The following PPP1R17 variants were observed in gnomAD, a reference collection of about 807,000 sequenced individuals.
The protein encoded by PPP1R17 is G-substrate.
Under a neutral mutation model 15.9 loss-of-function variants are expected in PPP1R17, and 12 were observed. That is an observed-to-expected ratio of 0.75 (90% confidence interval 0.48 to 1.22). The LOEUF is 1.22. Ranked by LOEUF, PPP1R17 falls within the 50% of genes most tolerant of loss-of-function variation. PPP1R17 has a pLI of 0.00. For missense variants in PPP1R17, 211 were observed against 187.3 expected, an observed-to-expected ratio of 1.13 and a Z score of -0.74; for synonymous variants, 63 against 64.5, an observed-to-expected ratio of 0.98 and a Z score of 0.11.
At position 31,690,503 on chromosome 7, in the gene PPP1R17, G is replaced by A. The variant is rs567456407; in HGVS notation, c.-36-1903G>A. Among the ~76,000 whole-genome samples, 37 of 152,234 alleles carry A rather than the reference G, an allele frequency of 2.4e-4. 1 individual carries two copies. The South Asian group carries it at 7.1e-3, about 29-fold the overall frequency. ...CAGACTTAACTTGTGTGGAGAGGGG[G>A]CAAAAATGATTCTATTACATTGGGC... On this transcript the variant is annotated intron_variant, in intron 1 of 4. Transcript: ENST00000342032.
Position 31,697,075 on chromosome 7 carries a change from A to G in PPP1R17, c.346A>G (p.Arg116Gly). 6.2e-7 allele frequency: 1 copy of G among 1,614,168 alleles called. No homozygotes were observed. Among genetic ancestry groups the G allele is most frequent in the African/African-American group, 1.3e-5 (1 of 75,062 alleles). The stretch of plus-strand genomic sequence containing the variant: ...TGACCTGGAACAGAAAAAGCCAAGG[A>G]GAAAAGACACACCTGCCCTGCACAT... ...NTDLEQKKPR[R>G]KDTPALHMSP... is the part of the protein sequence containing the mutation. Residue 116 changes from arginine (R) to glycine (G), a missense_variant, in exon 4 of 5, where the codon AGA (arginine) becomes GGA (glycine). Transcript: ENST00000342032.
At chr7:31,692,374 A>G in intron 1 of PPP1R17, 32 bp from the exon 2 acceptor site, 2 of 1,266,358 alleles carry the variant, frequency 1.6e-6, no homozygotes, top group East Asian at 4.6e-5. Context: ...AAACAGAGCC[A>G]TACTTATTAA....
chr7:31,702,115 ATTAGT>A (rs1792873045), intron 4 of PPP1R17, among the ~76,000 whole-genome samples: 1 of 152,018 alleles, frequency 6.6e-6, no homozygotes, highest in African/African-American at 2.4e-5. Context: ...TATTAGTCTT[ATTAGT>A]TTAGTCATTC....
rs34184 is a variant in PPP1R17 at position 31,707,331 on chromosome 7, G to C, written c.*48G>C. 4.8e-4 allele frequency: 719 copies of C among 1,503,030 alleles called. 6 individuals carry two copies. The African/African-American group carries it at 5.6e-3, about 12-fold the overall frequency. The allele number at this position is 1,503,030 out of a possible 1,614,324, so 93.1% of individuals were successfully genotyped here. ...TGTAAATAGGTTAGATTGGTTCCCTGTGGTGACCTAGAGAAAAAATAGACT... is the reference window on the plus strand; with the variant it reads ...TGTAAATAGGTTAGATTGGTTCCCTCTGGTGACCTAGAGAAAAAATAGACT... On this transcript the variant is annotated 3_prime_UTR_variant, in exon 5 of 5. Transcript: ENST00000342032.
intron 4 of PPP1R17, among the ~76,000 whole-genome samples, chr7:31,703,741 A>T (rs1352247552): frequency 6.6e-6 from 1 of 152,198 alleles, no homozygotes; most frequent in Non-Finnish European, 1.5e-5. Context: ...CACTCTGGAG[A>T]CATCTCTCAT....
chr7:31,697,253 C>T, intron 4 of PPP1R17, 136 bp downstream of exon 4: 2 of 1,078,270 alleles, frequency 1.9e-6, no homozygotes, highest in South Asian at 3.4e-5. Context: ...TGGGGAGAAG[C>T]CACACTCAGT....
chr7:31,702,500 T>C (rs1792893568), intron 4 of PPP1R17, among the ~76,000 whole-genome samples: 1 of 152,178 alleles, frequency 6.6e-6, no homozygotes, highest in Admixed American at 6.5e-5. Flanking sequence ...TACCTTTCAG[T>C]AGTCAGCCAG....
chr7:31,707,224 G>A lies in PPP1R17; in HGVS notation c.409G>A (p.Glu137Lys), dbSNP rs375427208. The A allele has an allele frequency of 1.1e-4, 174 of 1,613,982 alleles. No homozygotes were observed. The highest frequency in any genetic ancestry group is 1.3e-4 in the African/African-American group (10 of 75,048). The change falls in exon 5 of 5, where the codon GAG becomes AAG. Residue 137 changes from glutamate to lysine, a missense_variant. Coordinates refer to ENST00000342032, the MANE Select transcript of PPP1R17 (RefSeq NM_006658.5). ...TGCAGGTGTGACATTGCTCAGGGAC[G>A]AGAGACCCAAAGCAATCGTGGAAGA... ...FAAGVTLLRD[E>K]RPKAIVEDDE...
chr7:31,696,899 C>A, intron 3 of PPP1R17, 66 bp from the exon 4 acceptor site: 1 of 1,526,486 alleles, frequency 6.6e-7, no homozygotes, highest in Non-Finnish European at 8.9e-7. Flanking sequence ...TAAATATGCA[C>A]AGTCCTCATA....
rs75434181 is a variant in PPP1R17 at position 31,692,585 on chromosome 7, T to C, written c.82+62T>C. 8,745 of 1,499,516 alleles carry C rather than the reference T, an allele frequency of 5.8e-3. 416 individuals are homozygous for C. In the African/African-American group the frequency reaches 0.1, roughly 18 times the overall value. The allele number at this position is 1,499,516 out of a possible 1,614,324, so 92.9% of individuals were successfully genotyped here. A position where few individuals can be genotyped will look rare whatever the true frequency, so the allele number is the denominator to read the frequency against. On this transcript the variant is annotated intron_variant, in intron 2 of 4. Coordinates refer to ENST00000342032, the MANE Select transcript of PPP1R17 (RefSeq NM_006658.5). Reference sequence around the variant, plus strand: ...AGTCAGAGAAGAGGCGTCTCAGCCATTTGGTTTGCAGGCAAGTCAGAGAGA... The same window carrying C: ...AGTCAGAGAAGAGGCGTCTCAGCCACTTGGTTTGCAGGCAAGTCAGAGAGA...
chr7:31,691,577 C>A (rs368790909), intron 1 of PPP1R17, among the ~76,000 whole-genome samples: 1 of 151,858 alleles, frequency 6.6e-6, no homozygotes, highest in Non-Finnish European at 1.5e-5. Context: ...TGCTCCTGGG[C>A]GACAGCTATA....
chr7:31,698,383 T>G (rs992895988), intron 4 of PPP1R17, among the ~76,000 whole-genome samples: 9 of 152,186 alleles, frequency 5.9e-5, no homozygotes, highest in Non-Finnish European at 1.2e-4. Flanking sequence ...TACCTCTATC[T>G]ATCCCTTCGT....
intron 1 of PPP1R17, among the ~76,000 whole-genome samples, chr7:31,691,017 G>C (rs569981039): frequency 4.6e-5 from 7 of 152,154 alleles, no homozygotes; most frequent in Admixed American, 1.3e-4. Flanking sequence ...CTCATCCTGA[G>C]TGATGTTCCC....
rs141440823 is a variant in PPP1R17, at chr7:31,707,607, G to A, written c.*324G>A. The A allele has an allele frequency of 1.5e-3, 394 of 254,974 alleles. 7 individuals are homozygous for A. In the East Asian group the frequency reaches 0.027, roughly 18 times the overall value. The allele number at this position is 254,974 out of a possible 1,614,324, so 15.8% of individuals were successfully genotyped here. A position where few individuals can be genotyped will look rare whatever the true frequency, so the allele number is the denominator to read the frequency against. On this transcript the variant is annotated 3_prime_UTR_variant, in exon 5 of 5. Transcript: ENST00000342032. ...CTTCTGGATCAATTCACGGAACAGA[G>A]ATCGTGGATTACATGGGCTCCTTCT...
intron 1 of PPP1R17, among the ~76,000 whole-genome samples, chr7:31,688,788 A>T (rs987107354): frequency 1.3e-5 from 2 of 152,194 alleles, no homozygotes; most frequent in African/African-American, 4.8e-5. Context: ...CCCTGAAATC[A>T]TATCTCTTGG....
At chr7:31,691,797 T>TAAAAAAAAA (rs377169335) in intron 1 of PPP1R17, among the ~76,000 whole-genome samples, 20 of 86,520 alleles carry the variant, frequency 2.3e-4, no homozygotes, top group African/African-American at 6.7e-4. Flanking sequence ...ATGTAATGAT[T>TAAAAAAAAA]AAAAAAAAAA....
intron 4 of PPP1R17, among the ~76,000 whole-genome samples, chr7:31,700,044 A>C (rs954184028): frequency 3.3e-5 from 5 of 152,142 alleles, no homozygotes; most frequent in Admixed American, 1.3e-4. Flanking sequence ...AGGGGCCCCT[A>C]AGTGTTCAAC....
In PPP1R17 at chr7:31,695,576, A is replaced by C; in HGVS notation, c.190A>C (p.Arg64=). ...LNVESDQKKP[R]RKDTPALHIP... is the part of the protein sequence containing the mutation. ...TGTTGAGTCAGACCAAAAAAAACCA[A>C]GGAGGAAAGATACACCGGCGCTGCA... The change falls in exon 3 of 5, where the codon AGG becomes CGG. Residue 64 remains arginine (R), a synonymous_variant. Coordinates refer to ENST00000342032, the MANE Select transcript of PPP1R17 (RefSeq NM_006658.5). 1 of 1,614,032 alleles carries C rather than the reference A, an allele frequency of 6.2e-7. No individual in the cohort carries two copies. Among genetic ancestry groups the C allele is most frequent in the African/African-American group, 1.3e-5 (1 of 75,020 alleles).
chr7:31,705,623 A>G (rs974161341), intron 4 of PPP1R17, among the ~76,000 whole-genome samples: 1 of 152,246 alleles, frequency 6.6e-6, no homozygotes, highest in Admixed American at 6.5e-5. Flanking sequence ...TAAGATCAAC[A>G]CATAGTTTTC....
Sources: allele counts gnomAD v4.1 joint callset (sites outside exome capture counted in the v4.1 genomes callset), GRCh38; gene constraint gnomAD v4.1.1; transcripts MANE v1.5; gene names NCBI Gene and HGNC (gene_info 2026-07-23, HGNC 2026-07-21).